The following HS2ST1 variants were observed in gnomAD, a reference collection of about 807,000 sequenced individuals.
HS2ST1 encodes the protein heparan sulfate 2-O-sulfotransferase 1.
HS2ST1 carries 18 observed loss-of-function variants against 42.9 expected under a neutral mutation model. The ratio of observed to expected loss-of-function variants is 0.42; its 90% CI spans 0.29 to 0.62. HS2ST1 has a LOEUF of 0.62. Among genes scored for constraint, HS2ST1 ranks in the 20% least tolerant of loss-of-function variants. The pLI, the probability that HS2ST1 is intolerant of heterozygous loss-of-function variation, is 0.21. For missense variants in HS2ST1, 334 were observed against 433.8 expected, an observed-to-expected ratio of 0.77 and a Z score of 2.04; for synonymous variants, 146 against 152.9, an observed-to-expected ratio of 0.95 and a Z score of 0.33.
chr1:87,014,057 C>T (rs1179076408), intron 1 of HS2ST1, among the ~76,000 whole-genome samples: 1 of 152,226 alleles, frequency 6.6e-6, no homozygotes, highest in Non-Finnish European at 1.5e-5. Flanking sequence ...GCCCTCCAAA[C>T]TGTTCCAACC....
intron 1 of HS2ST1, among the ~76,000 whole-genome samples, chr1:86,996,700 A>G (rs1417516644): frequency 1.3e-5 from 2 of 152,194 alleles, no homozygotes; most frequent in African/African-American, 4.8e-5. Flanking sequence ...AACCAGCAAA[A>G]AGAGACAGCA....
At chr1:86,930,642 T>TA (rs1246968229) in intron 1 of HS2ST1, among the ~76,000 whole-genome samples, 8 of 151,958 alleles carry the variant, frequency 5.3e-5, no homozygotes, top group African/African-American at 1.9e-4. Flanking sequence ...GTGGGCTTTT[T>TA]AAAAAAATTT....
intron 1 of HS2ST1, among the ~76,000 whole-genome samples, chr1:86,958,979 A>G (rs966578312): frequency 2.6e-5 from 4 of 152,252 alleles, no homozygotes; most frequent in African/African-American, 7.2e-5. Context: ...AGTCTAAATA[A>G]GAAAAATCAT....
intron 1 of HS2ST1, among the ~76,000 whole-genome samples, chr1:87,060,250 C>T (rs1190476748): frequency 1.3e-5 from 2 of 152,028 alleles, no homozygotes; most frequent in Non-Finnish European, 2.9e-5. Context: ...ATGCCTATTT[C>T]AAAGGAATGT....
At chr1:86,951,387 C>A (rs989142667) in intron 1 of HS2ST1, among the ~76,000 whole-genome samples, 1 of 152,078 alleles carries the variant, frequency 6.6e-6, no homozygotes, top group African/African-American at 2.4e-5. Flanking sequence ...CGAAATAAGG[C>A]AAATAGTGCA....
intron 1 of HS2ST1, among the ~76,000 whole-genome samples, chr1:86,915,915 G>A (rs191599714): frequency 1.3e-5 from 2 of 152,250 alleles, no homozygotes; most frequent in East Asian, 3.9e-4. Context: ...CGAAGAGGAG[G>A]GAACGCTGAA....
intron 1 of HS2ST1, among the ~76,000 whole-genome samples, chr1:86,982,505 G>GCCA (rs1021248675): frequency 8.6e-5 from 13 of 151,994 alleles, no homozygotes; most frequent in Non-Finnish European, 1.6e-4. Context: ...TTCAGAAAAA[G>GCCA]CCATGTCACC....
intron 1 of HS2ST1, among the ~76,000 whole-genome samples, chr1:86,926,199 A>G (rs1660414105): frequency 1.3e-5 from 2 of 152,152 alleles, no homozygotes; most frequent in African/African-American, 4.8e-5. Context: ...GGCTGAAGGG[A>G]ACACTGGTTG....
rs1018166897 is a variant in HS2ST1 at position 87,045,264 on chromosome 1, TC to T, written c.125-27669del. The T allele has an allele frequency of 4.6e-6, 5 of 1,088,928 alleles. No individual in the cohort carries two copies. The Admixed American group carries it at 6.8e-5, about 15-fold the overall frequency. The allele number at this position is 1,088,928 out of a possible 1,614,324, so 67.5% of individuals were successfully genotyped here. On this transcript the variant is annotated intron_variant, in intron 1 of 6. Transcript: ENST00000370550. Reference sequence around the variant, plus strand: ...AGGTCTTCACTATGAAGGATGTTGATCAATAAAGTATAGTCCTGGAGGAAGT... The same window carrying T: ...AGGTCTTCACTATGAAGGATGTTGATAATAAAGTATAGTCCTGGAGGAAGT...
intron 1 of HS2ST1, among the ~76,000 whole-genome samples, chr1:86,990,264 T>A (rs1366036125): frequency 6.6e-6 from 1 of 152,216 alleles, no homozygotes; most frequent in Non-Finnish European, 1.5e-5. Flanking sequence ...CATTCCACAG[T>A]AATTTAAGAT....
At chr1:86,987,619 C>A (rs1160696551) in intron 1 of HS2ST1, among the ~76,000 whole-genome samples, 1 of 152,180 alleles carries the variant, frequency 6.6e-6, no homozygotes, top group East Asian at 1.9e-4. Flanking sequence ...GATTATCTTG[C>A]CTCTTCCTTG....
intron 1 of HS2ST1, among the ~76,000 whole-genome samples, chr1:86,962,370 A>G (rs1230781168): frequency 6.6e-6 from 1 of 152,138 alleles, no homozygotes; most frequent in African/African-American, 2.4e-5. Context: ...TAAAATATGA[A>G]GTTTGTACAC....
At position 87,103,434 on chromosome 1, in the gene HS2ST1, A is replaced by T; in HGVS notation, c.689A>T (p.Asn230Ile). The T allele has an allele frequency of 6.3e-7, 1 of 1,592,038 alleles. No homozygotes were observed. Among genetic ancestry groups the T allele is most frequent in the Non-Finnish European group, 8.5e-7 (1 of 1,172,762 alleles). ...FFCGHSSECWNVGSRWAMDQA... is the reference protein window; with the variant it reads ...FFCGHSSECWIVGSRWAMDQA... ...TAATTCCTTTTCTTTGGTTTCAGGAATGTGGGAAGCAGGTGGGCTATGGAT... is the reference window on the plus strand; with the variant it reads ...TAATTCCTTTTCTTTGGTTTCAGGATTGTGGGAAGCAGGTGGGCTATGGAT... Residue 230 changes from asparagine (N) to isoleucine (I), a missense_variant and splice_region_variant, in exon 6 of 7, where the codon AAT becomes ATT. Transcript: ENST00000370550.
At chr1:86,919,658 C>T (rs1477208611) in intron 1 of HS2ST1, among the ~76,000 whole-genome samples, 1 of 152,116 alleles carries the variant, frequency 6.6e-6, no homozygotes, top group African/African-American at 2.4e-5. Context: ...AGTGAATTCC[C>T]TGAAATTATA....
chr1:86,983,493 A>G (rs1301318633), intron 1 of HS2ST1, among the ~76,000 whole-genome samples: 2 of 152,048 alleles, frequency 1.3e-5, no homozygotes. Context: ...GCATGGGGTA[A>G]ACCACCCTTA....
chr1:87,026,854 A>G (rs937164938), intron 1 of HS2ST1, among the ~76,000 whole-genome samples: 11 of 152,230 alleles, frequency 7.2e-5, no homozygotes, highest in Admixed American at 2.0e-4. Flanking sequence ...GGAAGAAAAA[A>G]AAACTTGATT....
At chr1:86,964,741 A>G (rs1647993937) in intron 1 of HS2ST1, among the ~76,000 whole-genome samples, 1 of 152,218 alleles carries the variant, frequency 6.6e-6, no homozygotes, top group South Asian at 2.1e-4. Context: ...ACACACAGAC[A>G]CACATGTATA....
Position 87,104,736 on chromosome 1 carries a change from A to C in HS2ST1, c.*40A>C. 7.8e-7 allele frequency: 1 copy of C among 1,279,390 alleles called. No individual in the cohort carries two copies. Among genetic ancestry groups the C allele is most frequent in the African/African-American group, 1.5e-5 (1 of 68,140 alleles). 79.3% of individuals were successfully genotyped at this position (1,279,390 alleles called of 1,614,324 possible). On this transcript the variant is annotated 3_prime_UTR_variant, in exon 7 of 7. Coordinates refer to ENST00000370550, the MANE Select transcript of HS2ST1 (RefSeq NM_012262.4). ...TATTGGATTCTTGAACTAAAATTTG[A>C]CCCTGTCTTCACCTTTGTTCTCAGC... is the stretch of plus-strand genomic sequence containing the variant.
At chr1:87,045,553 C>T (rs1394563144) in intron 1 of HS2ST1, 2 of 796,966 alleles carry the variant, frequency 2.5e-6, no homozygotes, top group African/African-American at 3.4e-5. Context: ...GGATCCAGTG[C>T]ACAAGGCACA....
Sources: gnomAD v4.1 joint callset for allele counts (sites outside exome capture counted in the v4.1 genomes callset) on GRCh38, gnomAD v4.1.1 for gene constraint, MANE v1.5 for transcripts, NCBI Gene and HGNC (gene_info 2026-07-23, HGNC 2026-07-21) for gene names.